The following FBXW11 variants were observed in gnomAD, a reference collection of about 807,000 sequenced individuals.
FBXW11 encodes the protein F-box/WD repeat-containing protein 11.
In FBXW11, 19 loss-of-function variants were observed where a neutral mutation model predicts 77.6. The observed-to-expected ratio is 0.24, with a 90% CI of 0.17 to 0.36. FBXW11 has a LOEUF of 0.36. Among genes scored for constraint, FBXW11 ranks in the 10% least tolerant of loss-of-function variants. The pLI is 1.00. For synonymous variants in FBXW11, 235 were observed against 249.4 expected, an observed-to-expected ratio of 0.94 and a Z score of 0.54; for missense variants, 334 against 704.2, an observed-to-expected ratio of 0.47 and a Z score of 5.95.
At chr5:171,927,070 G>C (rs1420105673) in intron 2 of FBXW11, among the ~76,000 whole-genome samples, 11 of 151,952 alleles carry the variant, frequency 7.2e-5, no homozygotes. Flanking sequence ...AAAAGACAAA[G>C]CAGTAAAGCT....
chr5:171,899,817 G>C, intron 5 of FBXW11, 97 bp downstream of exon 5: 1 of 1,083,702 alleles, frequency 9.2e-7, no homozygotes, highest in Non-Finnish European at 1.3e-6. Context: ...TTAAAAATAG[G>C]CCAGCACATT....
intron 6 of FBXW11, among the ~76,000 whole-genome samples, chr5:171,898,292 A>G (rs1265893119): frequency 2.6e-5 from 4 of 152,246 alleles, no homozygotes; most frequent in Non-Finnish European, 5.9e-5. Context: ...AGCAAAGGCT[A>G]AAGTTTTCTG....
intron 2 of FBXW11, among the ~76,000 whole-genome samples, chr5:171,937,558 G>A (rs756428260): frequency 2.0e-5 from 3 of 152,050 alleles, no homozygotes; most frequent in Non-Finnish European, 4.4e-5. Flanking sequence ...AGTGGGGGCC[G>A]GATACAGTGG....
At position 171,896,404 on chromosome 5, in the gene FBXW11, T is replaced by C. The variant is rs1581166164; in HGVS notation, c.714+2600A>G. Reference sequence around the variant, plus strand: ...CAATGTGCTTAAAACCCTACTACTTTCCCATAACTGGACTAAAACAGGGCC... The same window carrying C: ...CAATGTGCTTAAAACCCTACTACTTCCCCATAACTGGACTAAAACAGGGCC... On this transcript the variant is annotated intron_variant, in intron 6 of 13. Transcript: ENST00000517395. 2.6e-5 allele frequency among the ~76,000 whole-genome samples: 4 copies of C among 152,266 alleles called. 1 individual carries two copies. The highest frequency in any genetic ancestry group is 2.6e-4 in the Admixed American group (4 of 15,288).
At chr5:171,934,080 G>A (rs1174379824) in intron 2 of FBXW11, among the ~76,000 whole-genome samples, 2 of 152,168 alleles carry the variant, frequency 1.3e-5, no homozygotes, top group African/African-American at 4.8e-5. Flanking sequence ...TGTCATGTAT[G>A]AGAGACATTA....
At chr5:171,950,168 G>A (rs1763230040) in intron 2 of FBXW11, among the ~76,000 whole-genome samples, 1 of 151,772 alleles carries the variant, frequency 6.6e-6, no homozygotes, top group Admixed American at 6.6e-5. Flanking sequence ...TTTATTTATT[G>A]GTTTAACTTT....
At chr5:171,912,681 T>C (rs1760956727) in intron 3 of FBXW11, among the ~76,000 whole-genome samples, 2 of 152,184 alleles carry the variant, frequency 1.3e-5, no homozygotes, top group Non-Finnish European at 2.9e-5. Context: ...CCAAGTTGGC[T>C]GGATCACTTA....
intron 4 of FBXW11, 32 bp downstream of exon 4, chr5:171,910,540 T>G: frequency 6.5e-7 from 1 of 1,547,092 alleles, no homozygotes. Context: ...ATTCTTCAAC[T>G]GCTCAGCTTT....
intron 13 of FBXW11, among the ~76,000 whole-genome samples, chr5:171,866,446 C>T (rs1321307301): frequency 6.6e-6 from 1 of 152,132 alleles, no homozygotes; most frequent in Non-Finnish European, 1.5e-5. Flanking sequence ...TAATTGATCA[C>T]AACTAGGCAG....
intron 1 of FBXW11, among the ~76,000 whole-genome samples, chr5:171,990,203 G>A (rs80187127): frequency 0.013 from 1,906 of 152,152 alleles, 45 homozygotes; most frequent in African/African-American, 0.042. Context: ...ATGACAAAAT[G>A]TTAACAATTG....
intron 6 of FBXW11, 81 bp from the exon 7 acceptor site, chr5:171,891,685 G>T (rs1416986191): frequency 4.5e-5 from 63 of 1,410,026 alleles, no homozygotes; most frequent in Non-Finnish European, 5.9e-5. Context: ...GTTGCTTCCA[G>T]AAACAGCATA....
chr5:171,865,672 C>T (rs1378908278), intron 13 of FBXW11, among the ~76,000 whole-genome samples: 1 of 152,150 alleles, frequency 6.6e-6, no homozygotes, highest in African/African-American at 2.4e-5. Context: ...TTTGGCTTAT[C>T]TACTTTTTCA....
intron 1 of FBXW11, among the ~76,000 whole-genome samples, chr5:172,004,635 CAA>C (rs1188369277): frequency 6.6e-6 from 1 of 152,096 alleles, no homozygotes; most frequent in Admixed American, 6.6e-5. Flanking sequence ...CAGCCAATTT[CAA>C]AGAGGCACCA....
chr5:171,964,547 G>C (rs1369563119), intron 1 of FBXW11, among the ~76,000 whole-genome samples: 1 of 152,184 alleles, frequency 6.6e-6, no homozygotes, highest in Non-Finnish European at 1.5e-5. Context: ...ATCCTATTGT[G>C]TCTCATCTCT....
rs185733996 is a variant in FBXW11 at position 171,972,593 on chromosome 5, G to A, written c.46-14895C>T. ...AGAGCCTCACTCTGTCACCCAGGCTGGAGTGCAATGACGCGATCTTGGCTC... is the reference window on the plus strand; with the variant it reads ...AGAGCCTCACTCTGTCACCCAGGCTAGAGTGCAATGACGCGATCTTGGCTC... On this transcript the variant is annotated intron_variant, in intron 1 of 13. Transcript: ENST00000517395. Among the ~76,000 whole-genome samples the A allele has an allele frequency of 3.5e-3, 530 of 149,420 alleles. 3 individuals are homozygous for A. Among genetic ancestry groups the A allele is most frequent in the African/African-American group, 0.012 (508 of 40,644 alleles).
chr5:171,950,636 A>G (rs1352838390), intron 2 of FBXW11, among the ~76,000 whole-genome samples: 1 of 152,224 alleles, frequency 6.6e-6, no homozygotes. Flanking sequence ...CTGTAATCCC[A>G]GCACTTTGGG....
chr5:171,952,396 A>ATG (rs140336294), intron 2 of FBXW11, among the ~76,000 whole-genome samples: 16 of 110,862 alleles, frequency 1.4e-4, no homozygotes, highest in Non-Finnish European at 2.0e-4. Flanking sequence ...GTGTGTGTAT[A>ATG]TGTGTGTGTG....
intron 1 of FBXW11, among the ~76,000 whole-genome samples, chr5:171,960,897 T>C (rs1045906710): frequency 1.3e-5 from 2 of 152,182 alleles, no homozygotes; most frequent in African/African-American, 2.4e-5. Flanking sequence ...AACTAGTATA[T>C]TCAGGGAAAG....
chr5:171,893,713 T>A lies in FBXW11; in HGVS notation c.715-2109A>T, dbSNP rs557103153. Reference sequence around the variant, plus strand: ...GACTCTTGGCAGTAGTTACCAATGTTCACGTTATACCCTCTGGGGGCCCAC... The same window carrying A: ...GACTCTTGGCAGTAGTTACCAATGTACACGTTATACCCTCTGGGGGCCCAC... On this transcript the variant is annotated intron_variant, in intron 6 of 13. Coordinates refer to ENST00000517395, the MANE Select transcript of FBXW11 (RefSeq NM_001378974.1). 1.4e-4 allele frequency among the ~76,000 whole-genome samples: 22 copies of A among 152,282 alleles called. No individual in the cohort carries two copies. In the South Asian group the frequency reaches 4.6e-3, roughly 32 times the overall value.
Sources: allele counts gnomAD v4.1 joint callset (sites outside exome capture counted in the v4.1 genomes callset), GRCh38; gene constraint gnomAD v4.1.1; transcripts MANE v1.5; gene names NCBI Gene and HGNC (gene_info 2026-07-23, HGNC 2026-07-21).